TRPM3: variants seen among roughly 807,000 people sequenced by gnomAD.
The protein encoded by TRPM3 is transient receptor potential cation channel subfamily M member 3, also known as long transient receptor potential channel 3.
A neutral mutation model predicts 181.2 loss-of-function variants in TRPM3; 77 were observed. The observed-to-expected ratio is 0.42, with a 90% CI of 0.35 to 0.51. The LOEUF (loss-of-function observed/expected upper bound fraction) is 0.51. TRPM3 is among the 20% of genes least tolerant of loss of function. The pLI is 0.01. For missense variants in TRPM3, 1,759 were observed against 2,196.7 expected, an observed-to-expected ratio of 0.80 and a Z score of 3.98; for synonymous variants, 745 against 796.4, an observed-to-expected ratio of 0.94 and a Z score of 1.09.
Position 70,807,071 on chromosome 9 carries a change from C to T in TRPM3, c.973+20776G>A, listed in dbSNP as rs538214791. The stretch of plus-strand genomic sequence containing the variant: ...CTGTTGATCATGGCAGAAAACTGCT[C>T]GGTCAGCATAAGTTTTCCCATTAAT... On this transcript the variant is annotated intron_variant, in intron 6 of 25. Coordinates refer to ENST00000677713, the MANE Select transcript of TRPM3 (RefSeq NM_001366145.2). Among the ~76,000 whole-genome samples, 20 of 152,270 alleles carry T rather than the reference C, an allele frequency of 1.3e-4. No homozygotes were observed. In the South Asian group the frequency reaches 3.7e-3, roughly 28 times the overall value.
At chr9:70,603,171 A>ACTGTGAAG (rs2060391121) in intron 20 of TRPM3, among the ~76,000 whole-genome samples, 171 bp downstream of exon 20, 1 of 152,224 alleles carries the variant, frequency 6.6e-6, no homozygotes, top group Non-Finnish European at 1.5e-5. Flanking sequence ...TAAGCACCAC[A>ACTGTGAAG]CTGTGAAGCC....
At chr9:70,803,043 AAAAAAAAAAAAAAAAAC>A (rs2089625004) in intron 6 of TRPM3, among the ~76,000 whole-genome samples, 2 of 135,846 alleles carry the variant, frequency 1.5e-5, no homozygotes, top group Admixed American at 1.4e-4. Flanking sequence ...TAAAAAAAAA[AAAAAAAAAAAAAAAAAC>A]AAAGGCCCAA....
chr9:71,002,945 T>C (rs745414142), intron 1 of TRPM3, among the ~76,000 whole-genome samples: 1 of 152,154 alleles, frequency 6.6e-6, no homozygotes, highest in Non-Finnish European at 1.5e-5. Context: ...TTTGTAATAA[T>C]TGTCATTGTT....
intron 1 of TRPM3, among the ~76,000 whole-genome samples, chr9:71,420,729 G>GAGAGAGAA (rs2093725786): frequency 2.0e-5 from 1 of 49,020 alleles, no homozygotes; most frequent in African/African-American, 7.4e-5. Flanking sequence ...GAAAGAGAGA[G>GAGAGAGAA]AGAGAGAAAG....
chr9:71,070,312 G>A (rs888141180), intron 1 of TRPM3, among the ~76,000 whole-genome samples: 1 of 152,218 alleles, frequency 6.6e-6, no homozygotes, highest in African/African-American at 2.4e-5. Flanking sequence ...ATCAGGTCAT[G>A]AATGATGCAT....
intron 1 of TRPM3, among the ~76,000 whole-genome samples, chr9:71,371,512 G>T (rs148977066): frequency 6.6e-6 from 1 of 152,334 alleles, no homozygotes; most frequent in African/African-American, 2.4e-5. Flanking sequence ...AGAATGAGAA[G>T]TGGAGCTTGA....
At chr9:70,960,777 T>G (rs2097128785) in intron 1 of TRPM3, among the ~76,000 whole-genome samples, 1 of 152,176 alleles carries the variant, frequency 6.6e-6, no homozygotes, top group Non-Finnish European at 1.5e-5. Flanking sequence ...AGTGATGGCT[T>G]CAACACTCTC....
intron 1 of TRPM3, among the ~76,000 whole-genome samples, chr9:71,205,415 G>A (rs2079066338): frequency 6.6e-6 from 1 of 152,116 alleles, no homozygotes; most frequent in African/African-American, 2.4e-5. Flanking sequence ...TGAGTTTTAA[G>A]AGTGCCAGTG....
chr9:71,030,367 C>T lies in TRPM3; in HGVS notation c.177+90811G>A, dbSNP rs538584867. ...ATCACTTGAGGTCAGGAGTTCAAGA[C>T]CAGCCTGGCCAGCAAGGTGAAACCC... is the stretch of plus-strand genomic sequence containing the variant. On this transcript the variant is annotated intron_variant, in intron 1 of 25. Coordinates refer to ENST00000677713, the MANE Select transcript of TRPM3 (RefSeq NM_001366145.2). Among the ~76,000 whole-genome samples the T allele has an allele frequency of 2.0e-5, 3 of 152,154 alleles. No individual in the cohort carries two copies. The South Asian group carries it at 6.2e-4, about 32-fold the overall frequency.
At chr9:70,821,647 ATTTAC>A (rs1033740781) in intron 6 of TRPM3, among the ~76,000 whole-genome samples, 2 of 152,188 alleles carry the variant, frequency 1.3e-5, no homozygotes, top group African/African-American at 4.8e-5. Flanking sequence ...ACTTTTGATA[ATTTAC>A]TTAACCATCT....
chr9:71,277,063 T>G (rs1418286200), intron 1 of TRPM3, among the ~76,000 whole-genome samples: 1 of 152,222 alleles, frequency 6.6e-6, no homozygotes, highest in East Asian at 1.9e-4. Flanking sequence ...TCATACAATG[T>G]GATCTCATTA....
At chr9:71,216,714 ACTT>A (rs1261018244) in intron 1 of TRPM3, among the ~76,000 whole-genome samples, 4 of 152,208 alleles carry the variant, frequency 2.6e-5, no homozygotes, top group African/African-American at 9.6e-5. Context: ...GAAGGGATGA[ACTT>A]CTATCTTACT....
chr9:71,315,769 T>C (rs2088526942), intron 1 of TRPM3, among the ~76,000 whole-genome samples: 1 of 152,182 alleles, frequency 6.6e-6, no homozygotes, highest in Admixed American at 6.6e-5. Context: ...CTCTTATTAA[T>C]AAGTTTTTGT....
Position 70,918,996 on chromosome 9 carries a change from T to C in TRPM3, c.178-54485A>G, listed in dbSNP as rs2096628955. ...AGCAGATAAGTTTTGCAGAACATGT[T>C]TACAGAATCTCCTCTCTTTCCTCAG... On this transcript the variant is annotated intron_variant, in intron 1 of 25. Transcript: ENST00000677713. Among the ~76,000 whole-genome samples, 5 of 152,198 alleles carry C rather than the reference T, an allele frequency of 3.3e-5. 1 individual carries two copies. In the South Asian group the frequency reaches 8.3e-4, roughly 25 times the overall value.
intron 1 of TRPM3, among the ~76,000 whole-genome samples, chr9:71,262,513 A>G (rs1452369710): frequency 6.6e-6 from 1 of 152,052 alleles, no homozygotes; most frequent in Non-Finnish European, 1.5e-5. Context: ...CCTCCTTTCC[A>G]AGGGAGTGAA....
chr9:70,771,916 T>C (rs1846149419), intron 7 of TRPM3, among the ~76,000 whole-genome samples: 1 of 152,208 alleles, frequency 6.6e-6, no homozygotes, highest in Non-Finnish European at 1.5e-5. Context: ...AAATAAAGGC[T>C]CCACAAAGGC....
At chr9:71,222,596 A>C (rs2080305365) in intron 1 of TRPM3, among the ~76,000 whole-genome samples, 1 of 152,244 alleles carries the variant, frequency 6.6e-6, no homozygotes, top group African/African-American at 2.4e-5. Context: ...TCTAAGAACC[A>C]ATGATCAAGT....
chr9:71,303,475 T>C (rs183898665), intron 1 of TRPM3, among the ~76,000 whole-genome samples: 256 of 152,350 alleles, frequency 1.7e-3, no homozygotes, highest in African/African-American at 5.9e-3. Context: ...AGATGGAGTA[T>C]TAGAGAAATG....
intron 9 of TRPM3, among the ~76,000 whole-genome samples, chr9:70,668,047 G>A (rs2062093358): frequency 1.3e-5 from 2 of 152,144 alleles, no homozygotes; most frequent in Non-Finnish European, 2.9e-5. Context: ...GTGTTTAGTG[G>A]ACTATATTTA....
Sources: gnomAD v4.1 joint callset for allele counts (sites outside exome capture counted in the v4.1 genomes callset) on GRCh38, gnomAD v4.1.1 for gene constraint, MANE v1.5 for transcripts, NCBI Gene and HGNC (gene_info 2026-07-23, HGNC 2026-07-21) for gene names.